The following IGF2R variants were observed in gnomAD, a reference collection of about 807,000 sequenced individuals.
IGF2R encodes the protein insulin like growth factor 2 receptor.
Under a neutral mutation model 270.6 loss-of-function variants are expected in IGF2R, and 91 were observed. The observed-to-expected ratio is 0.34, with a 90% CI of 0.28 to 0.40. IGF2R has a LOEUF of 0.40. IGF2R is among the 10% of genes least tolerant of loss of function. IGF2R has a pLI of 1.00. For missense variants in IGF2R, 2,805 were observed against 3,188.3 expected, an observed-to-expected ratio of 0.88 and a Z score of 2.90; for synonymous variants, 1,316 against 1,258.9, an observed-to-expected ratio of 1.05 and a Z score of -0.96.
At chr6:160,085,658 G>C (rs1779083745) in intron 41 of IGF2R, among the ~76,000 whole-genome samples, 1 of 152,218 alleles carries the variant, frequency 6.6e-6, no homozygotes, top group Non-Finnish European at 1.5e-5. Context: ...GAGCAATTAG[G>C]ATTTGTTGGA....
chr6:160,029,545 C>T lies in IGF2R; in HGVS notation c.777-5C>T, dbSNP rs771266100. The T allele has an allele frequency of 6.2e-6, 10 of 1,602,826 alleles. No homozygotes were observed. The highest frequency in any genetic ancestry group is 4.5e-5 in the East Asian group (2 of 44,842). On this transcript the variant is annotated splice_region_variant and splice_polypyrimidine_tract_variant and intron_variant, in intron 6 of 47. Transcript: ENST00000356956. ...AATACTCTTTTCTCAATGTGGCTCT[C>T]CCAGGCTTGTCCTGAGTTACGTGAG... is the stretch of plus-strand genomic sequence containing the variant.
intron 45 of IGF2R, among the ~76,000 whole-genome samples, chr6:160,100,632 C>T (rs891759282): frequency 6.6e-6 from 1 of 150,798 alleles, no homozygotes; most frequent in Non-Finnish European, 1.5e-5. Context: ...CTGTTCCCTG[C>T]GTTGGGAGAA....
chr6:160,084,885 G>A lies in IGF2R; in HGVS notation c.6069-110G>A, dbSNP rs967184714. The A allele has an allele frequency of 2.0e-6, 2 of 999,302 alleles. No individual in the cohort carries two copies. The highest frequency in any genetic ancestry group is 2.4e-5 in the East Asian group (1 of 41,244). The allele number at this position is 999,302 out of a possible 1,614,324, so 61.9% of individuals were successfully genotyped here. A position where few individuals can be genotyped will look rare whatever the true frequency, so the allele number is the denominator to read the frequency against. Reference sequence around the variant, plus strand: ...GTGCTACATTCAGTGATGGAATGGAGCCCTTAGTTATCAGAACCTTTCTCT... The same window carrying A: ...GTGCTACATTCAGTGATGGAATGGAACCCTTAGTTATCAGAACCTTTCTCT... On this transcript the variant is annotated intron_variant, in intron 40 of 47. Coordinates refer to ENST00000356956, the MANE Select transcript of IGF2R (RefSeq NM_000876.4). This position sits in a 1 kb window ranked among gnomAD's most constrained non-coding sequence, Gnocchi z 4.6.
chr6:159,982,219 C>A (rs780983826), intron 1 of IGF2R, among the ~76,000 whole-genome samples: 33 of 152,270 alleles, frequency 2.2e-4, no homozygotes, highest in Middle Eastern at 3.4e-3. Flanking sequence ...CCTCCTTGCT[C>A]CTCTTCCTTG....
intron 10 of IGF2R, among the ~76,000 whole-genome samples, chr6:160,040,316 C>T (rs1208397672): frequency 6.6e-6 from 1 of 152,150 alleles, no homozygotes; most frequent in African/African-American, 2.4e-5. Flanking sequence ...TGTACACAGC[C>T]TTCTGTCAAT....
intron 44 of IGF2R, chr6:160,095,015 G>A (rs1779318634): frequency 6.6e-6 from 1 of 152,150 alleles, no homozygotes; most frequent in Non-Finnish European, 1.5e-5. Context: ...TCATCAAAGG[G>A]CTGCTGGGTG....
Position 160,064,878 on chromosome 6 carries a change from C to T in IGF2R, c.4092C>T (p.Phe1364=), listed in dbSNP as rs368320741. The T allele has an allele frequency of 6.2e-5, 100 of 1,611,230 alleles. No homozygotes were observed. In the Middle Eastern group the frequency reaches 6.6e-4, roughly 11 times the overall value. ...EWRTQYACPP[F]DLTECSFKDG... ...GAACGCAGTATGCCTGCCCACCTTT[C>T]GATCTGACTGAATGTTCATTCAAGT... Residue 1364 remains phenylalanine, a synonymous_variant, in exon 29 of 48, where the codon TTC becomes TTT. Transcript: ENST00000356956.
chr6:160,034,497 A>G lies in IGF2R; in HGVS notation c.1290A>G (p.Ile430Met). ...CSSGFQRMSV[I>M]NFECNKTAGN... ...CAGGGTTTCAGCGGATGAGCGTCAT[A>G]AACTTTGAGTGCAATAAAACCGCAG... Residue 430 changes from isoleucine to methionine, a missense_variant, in exon 10 of 48, where the codon ATA (isoleucine) becomes ATG (methionine). Ile to Met is a conservative substitution (Grantham distance 10, BLOSUM62 1). Coordinates refer to ENST00000356956, the MANE Select transcript of IGF2R (RefSeq NM_000876.4). The G allele has an allele frequency of 6.2e-7, 1 of 1,611,010 alleles. No homozygotes were observed.
At chr6:160,065,129 G>A (rs544054124) in intron 29 of IGF2R, among the ~76,000 whole-genome samples, 4 of 152,352 alleles carry the variant, frequency 2.6e-5, no homozygotes, top group South Asian at 4.1e-4. Flanking sequence ...GAAGCAGAGA[G>A]TGGACCCCTG....
At position 160,078,279 on chromosome 6, in the gene IGF2R, G is replaced by A. The variant is rs1287176671; in HGVS notation, c.5395G>A (p.Val1799Met). ...WETPVVCPDE[V>M]RMDGCTLTDE... is the part of the protein sequence containing the mutation. Reference sequence around the variant, plus strand: ...GACTCCTGTCGTCTGTCCTGATGAAGTGAGGATGGATGGCTGTACCCTGAC... The same window carrying A: ...GACTCCTGTCGTCTGTCCTGATGAAATGAGGATGGATGGCTGTACCCTGAC... Residue 1799 changes from valine (V) to methionine (M), a missense_variant, in exon 37 of 48, where the codon GTG becomes ATG. Val to Met is a conservative substitution (Grantham distance 21, BLOSUM62 1). Coordinates refer to ENST00000356956, the MANE Select transcript of IGF2R (RefSeq NM_000876.4). The A allele has an allele frequency of 6.2e-7, 1 of 1,614,082 alleles. No homozygotes were observed. Among genetic ancestry groups the A allele is most frequent in the African/African-American group, 1.3e-5 (1 of 74,952 alleles).
chr6:159,997,483 A>G (rs553740729), intron 2 of IGF2R, among the ~76,000 whole-genome samples: 4 of 152,046 alleles, frequency 2.6e-5, no homozygotes, highest in East Asian at 1.9e-4. Context: ...GAAGTCCCCA[A>G]ATTGCTGCCC....
Position 160,105,609 on chromosome 6 carries a change from G to A in IGF2R, c.*525G>A, listed in dbSNP as rs752805199. ...GTCAGTGTATGGGGCAGCTTCCGGC[G>A]GGATGTTGAACTGGTCATTAATGTG... On this transcript the variant is annotated 3_prime_UTR_variant, in exon 48 of 48. Transcript: ENST00000356956. 2.7e-4 allele frequency: 41 copies of A among 154,094 alleles called. No homozygotes were observed. The highest frequency in any genetic ancestry group is 4.3e-4 in the Non-Finnish European group (30 of 69,056). 9.5% of individuals were successfully genotyped at this position (154,094 alleles called of 1,614,324 possible). A position where few individuals can be genotyped will look rare whatever the true frequency, so the allele number is the denominator to read the frequency against.
intron 19 of IGF2R, among the ~76,000 whole-genome samples, chr6:160,053,188 C>A (rs1461240973): frequency 6.6e-6 from 1 of 151,968 alleles, no homozygotes; most frequent in Admixed American, 6.6e-5. Flanking sequence ...CCAAACACTG[C>A]ATGTTCTCAC....
chr6:160,097,879 A>G (rs1779401578), intron 45 of IGF2R, among the ~76,000 whole-genome samples: 1 of 152,190 alleles, frequency 6.6e-6, no homozygotes, highest in Admixed American at 6.5e-5. Flanking sequence ...TGTGCTGTTC[A>G]GGCCTGTGTA....
intron 20 of IGF2R, among the ~76,000 whole-genome samples, chr6:160,057,586 A>T (rs1053659531): frequency 1.3e-5 from 2 of 152,236 alleles, no homozygotes; most frequent in Non-Finnish European, 2.9e-5. Flanking sequence ...GCAAAGTTAA[A>T]TATGGAGAGG....
rs1783592672 is a variant in IGF2R, at chr6:159,970,439, G to C, written c.149+1044G>C. The stretch of plus-strand genomic sequence containing the variant: ...GGGCTGAACTTGGAGTTTGTGGTAG[G>C]GTTTATGGGGGGGGTTCTTATTTTT... On this transcript the variant is annotated intron_variant, in intron 1 of 47. Transcript: ENST00000356956. Among the ~76,000 whole-genome samples, 3 of 150,156 alleles carry C rather than the reference G, an allele frequency of 2.0e-5. No homozygotes were observed. In the South Asian group the frequency reaches 6.2e-4, roughly 31 times the overall value.
chr6:159,970,056 A>C (rs933176228), intron 1 of IGF2R, among the ~76,000 whole-genome samples: 1 of 151,918 alleles, frequency 6.6e-6, no homozygotes, highest in South Asian at 2.1e-4. Flanking sequence ...TCTGAGCCCA[A>C]CTTCCTGCCT....
intron 1 of IGF2R, among the ~76,000 whole-genome samples, chr6:159,986,736 ATC>A (rs990403153): frequency 1.5e-5 from 2 of 134,234 alleles, no homozygotes; most frequent in African/African-American, 2.7e-5. Flanking sequence ...GAATATATTG[ATC>A]TCTTTTTTTT....
chr6:160,029,482 G>C (rs1462912134), intron 6 of IGF2R, 68 bp from the exon 7 acceptor site: 1 of 972,500 alleles, frequency 1.0e-6, no homozygotes, highest in Non-Finnish European at 1.6e-6. Context: ...TGAATGCTCA[G>C]GGCAACATAT....
Sources: gnomAD v4.1 joint callset for allele counts (sites outside exome capture counted in the v4.1 genomes callset) on GRCh38, gnomAD v4.1.1 for gene constraint, Gnocchi (gnomAD v3.1) non-coding constraint, MANE v1.5 for transcripts, NCBI Gene and HGNC (gene_info 2026-07-23, HGNC 2026-07-21) for gene names.